The following PPP4R4 variants were observed in gnomAD, a reference collection of about 807,000 sequenced individuals.
PPP4R4 encodes serine/threonine-protein phosphatase 4 regulatory subunit 4.
PPP4R4 carries 70 observed loss-of-function variants against 121.8 expected under a neutral mutation model. The observed-to-expected ratio is 0.57, with a 90% CI of 0.47 to 0.70. The LOEUF is 0.70. Ranked by LOEUF, PPP4R4 falls within the 30% of genes least tolerant of loss-of-function variation. The pLI is 0.00. For synonymous variants in PPP4R4, 348 were observed against 355.7 expected, an observed-to-expected ratio of 0.98 and a Z score of 0.24; for missense variants, 875 against 1,033.6, an observed-to-expected ratio of 0.85 and a Z score of 2.10.
intron 14 of PPP4R4, 125 bp downstream of exon 14, chr14:94,246,664 C>A: frequency 9.3e-7 from 1 of 1,070,700 alleles, no homozygotes; most frequent in Non-Finnish European, 1.3e-6. Flanking sequence ...AGGAGGATGT[C>A]AGCTTCGTAG....
chr14:94,193,146 A>G (rs1889691615), intron 2 of PPP4R4, among the ~76,000 whole-genome samples: 1 of 152,186 alleles, frequency 6.6e-6, no homozygotes, highest in Non-Finnish European at 1.5e-5. Context: ...ATCATTGATC[A>G]TTGAGGACAA....
rs908618546 is a variant in PPP4R4 at position 94,174,483 on chromosome 14, C to T, written c.18C>T (p.Pro6=). Reference sequence around the variant, plus strand: ...GGCGGTCCATGCATCCGCCGCCGCCCGCCGCCGCGATGGATTTCAGTCAGA... The same window carrying T: ...GGCGGTCCATGCATCCGCCGCCGCCTGCCGCCGCGATGGATTTCAGTCAGA... MHPPP[P]AAAMDFSQNS... The change falls in exon 1 of 25, where the codon CCC becomes CCT. Residue 6 remains proline, a synonymous_variant. Transcript: ENST00000304338. The T allele has an allele frequency of 1.9e-6, 3 of 1,605,584 alleles. No homozygotes were observed. Among genetic ancestry groups the T allele is most frequent in the Admixed American group, 3.4e-5 (2 of 59,588 alleles).
At chr14:94,248,740 TGGTG>T (rs1473755365) in intron 14 of PPP4R4, among the ~76,000 whole-genome samples, 1 of 152,168 alleles carries the variant, frequency 6.6e-6, no homozygotes, top group East Asian at 1.9e-4. Context: ...GCATTTTTAA[TGGTG>T]GCATTCTGTG....
chr14:94,246,280 TG>T (rs1892890772), intron 13 of PPP4R4, 76 bp from the exon 14 acceptor site: 1 of 1,232,686 alleles, frequency 8.1e-7, no homozygotes, highest in South Asian at 1.6e-5. Flanking sequence ...TCTTCCCCAA[TG>T]TGTTATAAGA....
At chr14:94,278,081 C>T (rs543912636) in intron 24 of PPP4R4, among the ~76,000 whole-genome samples, 9 of 152,178 alleles carry the variant, frequency 5.9e-5, no homozygotes, top group Admixed American at 2.0e-4. Context: ...AGGCCATATC[C>T]AAGTGAAAAT....
At chr14:94,274,670 C>G (rs1463283232) in intron 23 of PPP4R4, among the ~76,000 whole-genome samples, 5 of 152,180 alleles carry the variant, frequency 3.3e-5, no homozygotes, top group African/African-American at 1.2e-4. Context: ...CTCCAGAATA[C>G]TCACATGTTC....
At chr14:94,241,583 A>G (rs925614990) in intron 9 of PPP4R4, among the ~76,000 whole-genome samples, 5 of 152,120 alleles carry the variant, frequency 3.3e-5, no homozygotes, top group Non-Finnish European at 7.4e-5. Context: ...AAATTAAAAT[A>G]TTACTGGTAT....
intron 2 of PPP4R4, among the ~76,000 whole-genome samples, chr14:94,199,341 G>C (rs572328510): frequency 6.6e-6 from 1 of 152,240 alleles, no homozygotes; most frequent in Non-Finnish European, 1.5e-5. Context: ...AACCTCTAGG[G>C]GGAGCATGCA....
chr14:94,207,800 G>T (rs1406658614), intron 2 of PPP4R4, among the ~76,000 whole-genome samples: 1 of 151,294 alleles, frequency 6.6e-6, no homozygotes, highest in African/African-American at 2.4e-5. Flanking sequence ...TGTGGAAATG[G>T]TTTTTTTGGG....
chr14:94,246,783 C>T (rs1271969274), intron 14 of PPP4R4, among the ~76,000 whole-genome samples: 2 of 152,126 alleles, frequency 1.3e-5, no homozygotes, highest in Non-Finnish European at 2.9e-5. Context: ...TTCACCTACC[C>T]TTTGTTTATA....
At chr14:94,256,152 CTT>C (rs1566694518) in intron 16 of PPP4R4, among the ~76,000 whole-genome samples, 1 of 152,164 alleles carries the variant, frequency 6.6e-6, no homozygotes, top group South Asian at 2.1e-4. Flanking sequence ...ACTCCCTTGT[CTT>C]TATTCTTCAC....
chr14:94,219,310 G>A (rs779984692), intron 3 of PPP4R4, among the ~76,000 whole-genome samples: 17 of 151,820 alleles, frequency 1.1e-4, no homozygotes, highest in Non-Finnish European at 2.1e-4. Context: ...TCCTGACCTC[G>A]GGTGATCTGC....
intron 19 of PPP4R4, among the ~76,000 whole-genome samples, chr14:94,264,114 T>C (rs918445471): frequency 3.3e-5 from 5 of 152,168 alleles, no homozygotes; most frequent in African/African-American, 4.8e-5. Flanking sequence ...GCTATGAATT[T>C]GTATACCTAT....
chr14:94,181,591 A>G (rs1280735278), intron 2 of PPP4R4, among the ~76,000 whole-genome samples: 1 of 152,202 alleles, frequency 6.6e-6, no homozygotes, highest in Non-Finnish European at 1.5e-5. Context: ...TCTTTCATAA[A>G]TCACCCCATA....
At chr14:94,259,012 A>G (rs1482194740) in intron 18 of PPP4R4, among the ~76,000 whole-genome samples, 188 bp downstream of exon 18, 2 of 152,212 alleles carry the variant, frequency 1.3e-5, no homozygotes, top group Non-Finnish European at 2.9e-5. Flanking sequence ...GGATGGCGGC[A>G]GGCAAAGAGA....
At chr14:94,239,526 C>T (rs902073250) in intron 8 of PPP4R4, among the ~76,000 whole-genome samples, 1 of 152,014 alleles carries the variant, frequency 6.6e-6, no homozygotes, top group Non-Finnish European at 1.5e-5. Flanking sequence ...AATACAGTTT[C>T]CTCCCTGACA....
At chr14:94,264,189 C>T (rs1893921214) in intron 19 of PPP4R4, among the ~76,000 whole-genome samples, 1 of 152,174 alleles carries the variant, frequency 6.6e-6, no homozygotes, top group Non-Finnish European at 1.5e-5. Flanking sequence ...CACTCTGTCA[C>T]CCAGGCTGGA....
intron 3 of PPP4R4, among the ~76,000 whole-genome samples, chr14:94,209,470 ACATACCATGTTATTTT>A (rs1237681708): frequency 6.6e-6 from 1 of 152,146 alleles, no homozygotes; most frequent in African/African-American, 2.4e-5. Flanking sequence ...TAGATCAGGG[ACATACCATGTTATTTT>A]CATGAGATGC....
chr14:94,264,976 T>A, intron 20 of PPP4R4, 29 bp downstream of exon 20: 1 of 1,444,704 alleles, frequency 6.9e-7, no homozygotes, highest in Non-Finnish European at 9.6e-7. Flanking sequence ...TCTTCAACAC[T>A]TAATTACATA....
Sources: gnomAD v4.1 joint callset for allele counts (sites outside exome capture counted in the v4.1 genomes callset) on GRCh38, gnomAD v4.1.1 for gene constraint, MANE v1.5 for transcripts, NCBI Gene and HGNC (gene_info 2026-07-23, HGNC 2026-07-21) for gene names.